DNAH17: variants seen among roughly 807,000 people sequenced by gnomAD.
The protein encoded by DNAH17 is axonemal beta dynein heavy chain 17.
Under a neutral mutation model 485.6 loss-of-function variants are expected in DNAH17, and 376 were observed. The observed-to-expected ratio is 0.77, with a 90% confidence interval of 0.71 to 0.84. The LOEUF (loss-of-function observed/expected upper bound fraction) is 0.84, where lower values mean the gene tolerates loss of function less well. Among genes scored for constraint, DNAH17 ranks in the 40% least tolerant of loss-of-function variants. The pLI is 0.00. For missense variants in DNAH17, 6,370 were observed against 5,839.3 expected (o/e 1.09, Z -2.96); for synonymous variants, 3,031 against 2,405.9 (o/e 1.26, Z -7.60).
At chr17:78,502,386 T>G in intron 33 of DNAH17, 1 of 481,298 alleles carries the variant, frequency 2.1e-6, no homozygotes, top group Non-Finnish European at 3.7e-6. Flanking sequence ...TCTGAAGGTG[T>G]CTGTTACTCG....
rs138769198 is a variant in DNAH17 at position 78,464,105 on chromosome 17, T to C, written c.8941-1028A>G. Among the ~76,000 whole-genome samples the C allele has an allele frequency of 5.7e-3, 870 of 152,308 alleles. 2 individuals are homozygous for C. Among genetic ancestry groups the C allele is most frequent in the Non-Finnish European group, 8.8e-3 (602 of 68,030 alleles). ...TATTCTGTCCTACTTAATAACTGGA[T>C]ATGTGTTCAAAAGAAACAAGAGATG... On this transcript the variant is annotated intron_variant, in intron 56 of 80. Coordinates refer to ENST00000389840, the MANE Select transcript of DNAH17 (RefSeq NM_173628.4).
rs1165396259 is a variant in DNAH17, at chr17:78,545,855, T to C, written c.2392-1858A>G. On this transcript the variant is annotated intron_variant, in intron 16 of 80. Transcript: ENST00000389840. ...AATTTTTATATAGATTTTACTTGAT[T>C]TTGTATGGTTAGCTAAATATATATT... 2.0e-5 allele frequency among the ~76,000 whole-genome samples: 3 copies of C among 152,214 alleles called. No individual in the cohort carries two copies. The East Asian group carries it at 5.8e-4, about 29-fold the overall frequency.
chr17:78,479,371 A>G (rs1481633271), intron 50 of DNAH17, 114 bp downstream of exon 50: 3 of 1,307,040 alleles, frequency 2.3e-6, no homozygotes, highest in African/African-American at 3.0e-5. Flanking sequence ...CGTTTTTAAG[A>G]TATTGATTTA....
At chr17:78,462,163 C>G in intron 57 of DNAH17, among the ~76,000 whole-genome samples, 1 of 151,382 alleles carries the variant, frequency 6.6e-6, no homozygotes, top group African/African-American at 2.4e-5. Flanking sequence ...CAGAGCGAGA[C>G]TCTGTCTCAA....
rs1568276800 is a variant in DNAH17 at position 78,572,884 on chromosome 17, G to A, written c.356C>T (p.Ser119Phe). The stretch of plus-strand genomic sequence containing the variant: ...CATGTTCTCACTTTGGTTTAACAGA[G>A]AAGAGAGGACCTAAAAGGAAACACT... ...LIAVVEEVLS[S>F]LLNQSENMAG... Residue 119 changes from serine to phenylalanine, a missense_variant, in exon 3 of 81, where the codon TCT becomes TTT. Coordinates refer to ENST00000389840, the MANE Select transcript of DNAH17 (RefSeq NM_173628.4). 1 of 1,613,620 alleles carries A rather than the reference G, an allele frequency of 6.2e-7. No homozygotes were observed. The highest frequency in any genetic ancestry group is 8.5e-7 in the Non-Finnish European group (1 of 1,179,746).
At chr17:78,465,025 C>T (rs893084340) in intron 56 of DNAH17, among the ~76,000 whole-genome samples, 4 of 152,244 alleles carry the variant, frequency 2.6e-5, no homozygotes, top group African/African-American at 7.2e-5. Context: ...CATCTCGGCT[C>T]GCTGCAGCCT....
chr17:78,506,630 C>T lies in DNAH17; in HGVS notation c.4803+90G>A, dbSNP rs1021212413. 3.4e-5 allele frequency: 54 copies of T among 1,576,068 alleles called. No homozygotes were observed. The African/African-American group carries it at 4.7e-4, about 14-fold the overall frequency. Reference sequence around the variant, plus strand: ...GATGGGGCACGTCCAAGGACACTTACCCCACCCTAGGGCGGTTGAGGTAGA... The same window carrying T: ...GATGGGGCACGTCCAAGGACACTTATCCCACCCTAGGGCGGTTGAGGTAGA... On this transcript the variant is annotated intron_variant, in intron 30 of 80. Coordinates refer to ENST00000389840, the MANE Select transcript of DNAH17 (RefSeq NM_173628.4).
chr17:78,450,366 T>G lies in DNAH17; in HGVS notation c.10928A>C (p.Lys3643Thr). The G allele has an allele frequency of 6.2e-7, 1 of 1,613,918 alleles. No individual in the cohort carries two copies. ...KVVEAKITEVKINEARENYRP... is the reference protein window; with the variant it reads ...KVVEAKITEVTINEARENYRP... Reference sequence around the variant, plus strand: ...GTAGTTCTCTCTCGCTTCGTTGATTTTAACTTCTGTGATTTTTGCCTCCAC... The same window carrying G: ...GTAGTTCTCTCTCGCTTCGTTGATTGTAACTTCTGTGATTTTTGCCTCCAC... The change falls in exon 68 of 81, where the codon AAA becomes ACA. Residue 3643 changes from lysine to threonine, a missense_variant. Coordinates refer to ENST00000389840, the MANE Select transcript of DNAH17 (RefSeq NM_173628.4).
At chr17:78,543,520 G>A (rs893097314) in intron 17 of DNAH17, among the ~76,000 whole-genome samples, 2 of 151,982 alleles carry the variant, frequency 1.3e-5, no homozygotes, top group Non-Finnish European at 2.9e-5. Context: ...TCGATCTCCT[G>A]ACCTCATGAT....
rs1164214277 is a variant in DNAH17, at chr17:78,480,665, G to A, written c.7752+19C>T. On this transcript the variant is annotated intron_variant, in intron 49 of 80. Coordinates refer to ENST00000389840, the MANE Select transcript of DNAH17 (RefSeq NM_173628.4). The stretch of plus-strand genomic sequence containing the variant: ...CAGACTCATGGCAGGTGACGGGGAT[G>A]AGTATGGTTTCTGCTTACCTGAAGC... 3.1e-6 allele frequency: 5 copies of A among 1,601,934 alleles called. No homozygotes were observed. The highest frequency in any genetic ancestry group is 2.7e-5 in the African/African-American group (2 of 74,580).
chr17:78,479,462 G>A (rs2089252488), intron 50 of DNAH17, 23 bp downstream of exon 50: 1 of 1,589,532 alleles, frequency 6.3e-7, no homozygotes, highest in African/African-American at 1.4e-5. Flanking sequence ...CGATGGGAGA[G>A]GGGATGAGGC....
Position 78,560,649 on chromosome 17 carries a change from G to A in DNAH17, c.2031+91C>T, listed in dbSNP as rs117038428. ...TTAGGCGAACTGTGATATAAACATC[G>A]ACCTCCATAAATCCGTGCTGAGGGA... On this transcript the variant is annotated intron_variant, in intron 13 of 80. Transcript: ENST00000389840. 3.4e-3 allele frequency: 4,494 copies of A among 1,319,670 alleles called. 112 individuals carry two copies. In the East Asian group the frequency reaches 0.055, roughly 16 times the overall value. 81.7% of individuals were successfully genotyped at this position (1,319,670 alleles called of 1,614,324 possible). A position where few individuals can be genotyped will look rare whatever the true frequency, so the allele number is the denominator to read the frequency against.
At chr17:78,482,202 A>C (rs1000598445) in intron 48 of DNAH17, among the ~76,000 whole-genome samples, 1 of 150,554 alleles carries the variant, frequency 6.6e-6, no homozygotes, top group Admixed American at 6.7e-5. Flanking sequence ...TCAGCCTCAC[A>C]CTACCATGCC....
intron 56 of DNAH17, among the ~76,000 whole-genome samples, chr17:78,464,158 C>T (rs1021851649): frequency 1.3e-5 from 2 of 152,198 alleles, no homozygotes; most frequent in Non-Finnish European, 2.9e-5. Flanking sequence ...ATTCCAAGGG[C>T]TGCTCATCCC....
chr17:78,530,111 C>T (rs1357435053), intron 21 of DNAH17, among the ~76,000 whole-genome samples: 6 of 152,354 alleles, frequency 3.9e-5, no homozygotes, highest in South Asian at 2.1e-4. Flanking sequence ...ATCTGGCACC[C>T]GGACAGAGCA....
chr17:78,537,959 C>T (rs1003985688), intron 18 of DNAH17, among the ~76,000 whole-genome samples: 3 of 152,004 alleles, frequency 2.0e-5, no homozygotes, highest in Admixed American at 2.0e-4. Context: ...GCCCACATGG[C>T]GAAGCCCCGT....
chr17:78,503,410 C>T (rs372424882), intron 31 of DNAH17, among the ~76,000 whole-genome samples: 2 of 148,652 alleles, frequency 1.3e-5, no homozygotes, highest in Non-Finnish European at 3.0e-5. Flanking sequence ...TGGTCTCGAT[C>T]TCCTGACCTC....
chr17:78,502,567 A>G, intron 33 of DNAH17, 24 bp downstream of exon 33: 1 of 1,597,924 alleles, frequency 6.3e-7, no homozygotes, highest in Non-Finnish European at 8.5e-7. Context: ...TAAAAACGTA[A>G]CTAACTACAC....
intron 11 of DNAH17, among the ~76,000 whole-genome samples, chr17:78,562,530 G>A (rs527390755): frequency 6.6e-6 from 1 of 152,282 alleles, no homozygotes; most frequent in African/African-American, 2.4e-5. Flanking sequence ...GCTGAGATGG[G>A]AGGATTACTT....
Sources: gnomAD v4.1 joint callset for allele counts (sites outside exome capture counted in the v4.1 genomes callset) on GRCh38, gnomAD v4.1.1 for gene constraint, MANE v1.5 for transcripts, NCBI Gene and HGNC (gene_info 2026-07-23, HGNC 2026-07-21) for gene names.